The following ABCB1 variants were observed in gnomAD, a reference collection of about 807,000 sequenced individuals.
ABCB1 encodes the protein ATP-dependent translocase ABCB1.
ABCB1 carries 69 observed loss-of-function variants against 142.0 expected under a neutral mutation model. That is an observed-to-expected ratio of 0.49 (90% CI 0.40 to 0.59). ABCB1 has a LOEUF of 0.59. ABCB1 is among the 20% of genes least tolerant of loss of function. The probability of loss-of-function intolerance (pLI) is 0.00; values close to 1 mark genes in which losing one functional copy is unlikely to be tolerated. For missense variants in ABCB1, 1,326 were observed against 1,554.7 expected, an observed-to-expected ratio of 0.85 and a Z score of 2.47; for synonymous variants, 532 against 539.2, an observed-to-expected ratio of 0.99 and a Z score of 0.18.
chr7:87,628,554 C>T, intron 1 of ABCB1: 1 of 313,080 alleles, frequency 3.2e-6, no homozygotes, highest in Non-Finnish European at 5.8e-6. Context: ...CAGTCGGCGG[C>T]GCGCCGAGGG....
At chr7:87,634,494 T>G (rs78723829) in intron 1 of ABCB1, among the ~76,000 whole-genome samples, 162 of 73,118 alleles carry the variant, frequency 2.2e-3, no homozygotes, top group East Asian at 3.8e-3. Context: ...TGGTGGGGGG[T>G]GGGGGGGGGG....
rs1820508699 is a variant in ABCB1 at position 87,626,270 on chromosome 7, G to GTGTCATATATATGTGTCATATATAT, written c.-330-25193_-330-25192insATATATATGACACATATATATGACA. ...TATGTCATATATATGTGTCATATAT[G>GTGTCATATATATGTGTCATATATAT]TGTCATATATATGTGTCATATATGT... On this transcript the variant is annotated intron_variant, in intron 1 of 28. Transcript: ENST00000265724. Among the ~76,000 whole-genome samples the GTGTCATATATATGTGTCATATATAT allele has an allele frequency of 7.0e-5, 2 of 28,570 alleles. 1 individual carries two copies. The highest frequency in any genetic ancestry group is 1.1e-4 in the Non-Finnish European group (2 of 17,450). 18.7% of individuals were successfully genotyped at this position (28,570 alleles called of 152,430 possible).
chr7:87,579,065 T>C (rs74569377), intron 4 of ABCB1, among the ~76,000 whole-genome samples: 17,186 of 152,282 alleles, frequency 0.11, 1,277 homozygotes, highest in Admixed American at 0.23. Context: ...TTGTTGTATG[T>C]TGATTTTGTA....
intron 12 of ABCB1, 54 bp from the exon 13 acceptor site, chr7:87,550,108 T>A: frequency 1.2e-6 from 2 of 1,614,078 alleles, no homozygotes; most frequent in Non-Finnish European, 1.7e-6. Flanking sequence ...AAGGGCAACA[T>A]CAGAAAGATG....
At chr7:87,637,996 TC>T (rs1821972227) in intron 1 of ABCB1, among the ~76,000 whole-genome samples, 1 of 152,268 alleles carries the variant, frequency 6.6e-6, no homozygotes, top group South Asian at 2.1e-4. Context: ...TTTTCTTACT[TC>T]CCTTCTATTT....
upstream of ABCB1, chr7:87,602,985 A>G (rs1819515633): frequency 6.6e-6 from 1 of 152,150 alleles, no homozygotes; most frequent in African/African-American, 2.4e-5. Flanking sequence ...GTTGACACTC[A>G]TATACCTTCA....
intron 4 of ABCB1, among the ~76,000 whole-genome samples, chr7:87,575,589 C>T (rs73705258): frequency 0.033 from 5,072 of 152,110 alleles, 261 homozygotes; most frequent in African/African-American, 0.11. Flanking sequence ...ATAAACTACT[C>T]TTCTTGTGCA....
intron 1 of ABCB1, among the ~76,000 whole-genome samples, chr7:87,652,010 A>G (rs1468990652): frequency 1.3e-5 from 2 of 152,032 alleles, no homozygotes; most frequent in Non-Finnish European, 2.9e-5. Flanking sequence ...GTTACCTTTT[A>G]TAAGAAAATA....
chr7:87,699,764 T>G (rs1313011921), intron 1 of ABCB1, among the ~76,000 whole-genome samples: 1 of 152,200 alleles, frequency 6.6e-6, no homozygotes, highest in Non-Finnish European at 1.5e-5. Context: ...CATGAACGGA[T>G]ACATAGTTAG....
chr7:87,633,841 T>C (rs947646252), intron 1 of ABCB1, among the ~76,000 whole-genome samples: 2 of 152,154 alleles, frequency 1.3e-5, no homozygotes, highest in Non-Finnish European at 2.9e-5. Flanking sequence ...AATGACAGTA[T>C]AATCTGTCTT....
chr7:87,579,397 C>G (rs1818411658), intron 4 of ABCB1, among the ~76,000 whole-genome samples: 1 of 152,104 alleles, frequency 6.6e-6, no homozygotes, highest in Non-Finnish European at 1.5e-5. Context: ...AATGTTCCTT[C>G]TATACCCAGT....
chr7:87,575,002 T>C (rs1258075183), intron 4 of ABCB1, among the ~76,000 whole-genome samples: 1 of 152,214 alleles, frequency 6.6e-6, no homozygotes, highest in Non-Finnish European at 1.5e-5. Flanking sequence ...CCAGACCATT[T>C]ATCAAAATAT....
intron 1 of ABCB1, among the ~76,000 whole-genome samples, chr7:87,642,917 T>A (rs1021199778): frequency 3.9e-5 from 6 of 152,194 alleles, no homozygotes; most frequent in Non-Finnish European, 5.9e-5. Context: ...ATTTAATTTT[T>A]AAAATTTTCC....
chr7:87,638,345 T>TTGTTTG (rs1822036502), intron 1 of ABCB1, among the ~76,000 whole-genome samples: 1 of 144,696 alleles, frequency 6.9e-6, no homozygotes, highest in East Asian at 2.0e-4. Context: ...AAGTATGTGT[T>TTGTTTG]TGTGTGTGTG....
At chr7:87,626,901 G>A (rs1272306757) in intron 1 of ABCB1, among the ~76,000 whole-genome samples, 5 of 151,636 alleles carry the variant, frequency 3.3e-5, no homozygotes, top group African/African-American at 7.3e-5. Context: ...TCAGCCTACC[G>A]AGTAGCTGCC....
chr7:87,592,794 G>A (rs1020736096), intron 3 of ABCB1, among the ~76,000 whole-genome samples: 2 of 152,068 alleles, frequency 1.3e-5, no homozygotes, highest in Non-Finnish European at 2.9e-5. Context: ...TTTAACAAAT[G>A]CCTGGTACAA....
intron 1 of ABCB1, chr7:87,693,903 T>A (rs71562765): frequency 1.2e-5 from 19 of 1,606,408 alleles, no homozygotes; most frequent in Admixed American, 3.4e-5. Flanking sequence ...ATTTTTTTTT[T>A]AAAGAGATTT....
At chr7:87,705,450 C>A (rs903980147) in intron 1 of ABCB1, among the ~76,000 whole-genome samples, 27 of 150,784 alleles carry the variant, frequency 1.8e-4, no homozygotes, top group African/African-American at 2.9e-4. Context: ...ACAACAACAA[C>A]AAAAAAAAAC....
At position 87,544,335 on chromosome 7, in the gene ABCB1, C is replaced by A; in HGVS notation, c.2065-60G>T. The A allele has an allele frequency of 2.0e-6, 3 of 1,532,116 alleles. No individual in the cohort carries two copies. The Admixed American group carries it at 5.1e-5, about 26-fold the overall frequency. 94.9% of individuals were successfully genotyped at this position (1,532,116 alleles called of 1,614,324 possible). A position where few individuals can be genotyped will look rare whatever the true frequency, so the allele number is the denominator to read the frequency against. On this transcript the variant is annotated intron_variant, in intron 16 of 27. Coordinates refer to ENST00000622132, the MANE Select transcript of ABCB1 (RefSeq NM_001348946.2). ...AAAACTTTTATATGTACAATTCTTA[C>A]ATACGCACAAAAATTAGTAAAGGAA...
Sources: gnomAD v4.1 joint callset for allele counts (sites outside exome capture counted in the v4.1 genomes callset) on GRCh38, gnomAD v4.1.1 for gene constraint, MANE v1.5 for transcripts, NCBI Gene and HGNC (gene_info 2026-07-23, HGNC 2026-07-21) for gene names.